The following COL4A6 variants were observed in gnomAD, a reference collection of about 807,000 sequenced individuals.
The protein encoded by COL4A6 is collagen type IV alpha 6 chain, also known as collagen alpha-6(IV) chain.
In COL4A6, 59 loss-of-function variants were observed where a neutral mutation model predicts 126.7. The observed-to-expected ratio is 0.47, with a 90% CI of 0.38 to 0.58. COL4A6 has a LOEUF of 0.58. Among genes scored for constraint, COL4A6 ranks in the 20% least tolerant of loss-of-function variants. The pLI is 0.00. For missense variants in COL4A6, 1,285 were observed against 1,337.3 expected, an observed-to-expected ratio of 0.96 and a Z score of 0.61; for synonymous variants, 547 against 496.6, an observed-to-expected ratio of 1.10 and a Z score of -1.35.
chrX:108,165,006 G>T lies in COL4A6; in HGVS notation c.3841C>A (p.Pro1281Thr). 8.3e-7 allele frequency: 1 copy of T among 1,208,886 alleles called. No individual in the cohort carries two copies. Among genetic ancestry groups the T allele is most frequent in the Non-Finnish European group, 1.1e-6 (1 of 894,666 alleles). ...RPGPAGPPGP[P>T]GPSSNQGDTG... ...TCGCCTTGATTCGAGGATGGCCCAGGGGGACCTGGGGGTCCAGCGGGGCCT... is the reference window on the plus strand; with the variant it reads ...TCGCCTTGATTCGAGGATGGCCCAGTGGGACCTGGGGGTCCAGCGGGGCCT... The change falls in exon 39 of 45, where the codon CCT becomes ACT. Residue 1281 changes from proline to threonine, a missense_variant. Coordinates refer to ENST00000334504, the MANE Select transcript of COL4A6 (RefSeq NM_033641.4).
chrX:108,415,700 C>A (rs182402428), intron 2 of COL4A6, among the ~76,000 whole-genome samples: 7 of 112,332 alleles, frequency 6.2e-5, no homozygotes, highest in African/African-American at 2.3e-4. Context: ...GAATGATCAA[C>A]CTTTCAATTT....
At chrX:108,168,554 C>T (rs918034201) in intron 37 of COL4A6, among the ~76,000 whole-genome samples, 1 of 112,218 alleles carries the variant, frequency 8.9e-6, no homozygotes, top group African/African-American at 3.2e-5. Context: ...CCCCAGGTAA[C>T]ATGCAATAAT....
intron 3 of COL4A6, among the ~76,000 whole-genome samples, chrX:108,298,589 T>C (rs1459718460): frequency 9.0e-6 from 1 of 110,996 alleles, no homozygotes. Flanking sequence ...CAAGGATCTT[T>C]CGGGGATGCT....
Position 108,373,110 on chromosome X carries a change from A to C in COL4A6, c.64-62282T>G, listed in dbSNP as rs944484184. 2.7e-5 allele frequency among the ~76,000 whole-genome samples: 3 copies of C among 111,441 alleles called. No individual in the cohort carries two copies. The Admixed American group carries it at 2.9e-4, about 11-fold the overall frequency. ...CTTATGCTGGTTCTGGGCCTTAATAAATGGGCCTTCAGCCAGGCACGGTGG... is the reference window on the plus strand; with the variant it reads ...CTTATGCTGGTTCTGGGCCTTAATACATGGGCCTTCAGCCAGGCACGGTGG... On this transcript the variant is annotated intron_variant, in intron 2 of 44. Transcript: ENST00000334504.
chrX:108,175,858 C>T, intron 28 of COL4A6, 61 bp from the exon 29 acceptor site: 2 of 1,022,451 alleles, frequency 2.0e-6, no homozygotes, highest in Admixed American at 3.2e-5. Context: ...AATGGAGGCT[C>T]AGGGAGGTTG....
At chrX:108,233,122 A>G (rs904341683) in intron 3 of COL4A6, among the ~76,000 whole-genome samples, 1 of 112,368 alleles carries the variant, frequency 8.9e-6, no homozygotes, top group Non-Finnish European at 1.9e-5. Context: ...TGGTTTAATT[A>G]CAATCTGGAG....
chrX:108,433,663 A>G lies in COL4A6; in HGVS notation c.63+4279T>C, dbSNP rs779348410. On this transcript the variant is annotated intron_variant, in intron 2 of 44. Coordinates refer to ENST00000334504, the MANE Select transcript of COL4A6 (RefSeq NM_033641.4). The stretch of plus-strand genomic sequence containing the variant: ...CCTCAGCCTCCCAGTAGATAGGACT[A>G]TAGGCGTGCACCACCATGCCCAGCT... 3.6e-5 allele frequency among the ~76,000 whole-genome samples: 4 copies of G among 110,766 alleles called. No individual in the cohort carries two copies. The South Asian group carries it at 1.6e-3, about 43-fold the overall frequency.
At chrX:108,257,714 C>T (rs141371153) in intron 3 of COL4A6, among the ~76,000 whole-genome samples, 4 of 110,807 alleles carry the variant, frequency 3.6e-5, no homozygotes, top group East Asian at 5.7e-4. Flanking sequence ...CACCTTCCCC[C>T]GGAAGATCTC....
At chrX:108,211,854 T>C in intron 6 of COL4A6, 114 bp from the exon 7 acceptor site, 2 of 731,393 alleles carry the variant, frequency 2.7e-6, no homozygotes, top group Admixed American at 5.4e-5. Flanking sequence ...ATGTGGCTTT[T>C]TCTATGGCAA....
In COL4A6 at chrX:108,187,855, C is replaced by T; in HGVS notation, c.1760G>A (p.Gly587Asp). 3.3e-6 allele frequency: 4 copies of T among 1,204,038 alleles called. No homozygotes were observed. The highest frequency in any genetic ancestry group is 4.5e-6 in the Non-Finnish European group (4 of 890,597). The change falls in exon 22 of 45, where the codon GGC (glycine) becomes GAC (aspartate). Residue 587 changes from glycine (G) to aspartate (D), a missense_variant. Coordinates refer to ENST00000334504, the MANE Select transcript of COL4A6 (RefSeq NM_033641.4). ...TAGGAACGATCAACTTACCGGAAGG[C>T]CTGGCAGACCTGGTAAACCTGGTAC... The part of the protein sequence containing the change: ...DGVPGLPGLP[G>D]LPGDGGQGFP...
chrX:108,434,918 A>G (rs1266277180), intron 2 of COL4A6, among the ~76,000 whole-genome samples: 12 of 110,742 alleles, frequency 1.1e-4, no homozygotes, highest in Non-Finnish European at 2.1e-4. Context: ...GCCCCAGATA[A>G]TGCAAATATT....
intron 2 of COL4A6, among the ~76,000 whole-genome samples, chrX:108,419,661 C>T (rs2041495655): frequency 8.9e-6 from 1 of 111,860 alleles, no homozygotes; most frequent in Admixed American, 9.5e-5. Flanking sequence ...TTAATACTAC[C>T]TTGTTACATA....
At chrX:108,432,187 A>T (rs753471099) in intron 2 of COL4A6, among the ~76,000 whole-genome samples, 3 of 111,818 alleles carry the variant, frequency 2.7e-5, no homozygotes, top group Non-Finnish European at 3.8e-5. Context: ...GTCTTTATAC[A>T]TTTTCCTTTT....
rs1233805554 is a variant in COL4A6, at chrX:108,180,557, C to G, written c.2089G>C (p.Glu697Gln). The change falls in exon 25 of 45, where the codon GAG (glutamate) becomes CAG (glutamine). Residue 697 changes from glutamate to glutamine, a missense_variant. Glu to Gln is a conservative substitution (Grantham distance 29). Transcript: ENST00000334504. ...GQPGSSGSKG[E>Q]PGSPGLVHLP... ...TGAACCAATCCTGGACTCCCTGGCT[C>G]TCCTTTACTTCCACTTGACCCAGGC... 8.3e-7 allele frequency: 1 copy of G among 1,208,909 alleles called. No individual in the cohort carries two copies. The highest frequency in any genetic ancestry group is 2.3e-4 in the Middle Eastern group (1 of 4,335).
intron 2 of COL4A6, among the ~76,000 whole-genome samples, chrX:108,348,653 G>A (rs1195714921): frequency 1.8e-5 from 2 of 111,251 alleles, no homozygotes; most frequent in East Asian, 2.8e-4. Flanking sequence ...TTGAGACAAG[G>A]GATTAGCATT....
intron 3 of COL4A6, among the ~76,000 whole-genome samples, chrX:108,301,924 T>C (rs1387359765): frequency 8.9e-6 from 1 of 111,856 alleles, no homozygotes; most frequent in Non-Finnish European, 1.9e-5. Flanking sequence ...CTAAAGTTGG[T>C]TGCATGACTA....
At chrX:108,365,969 T>C (rs1483359992) in intron 2 of COL4A6, among the ~76,000 whole-genome samples, 1 of 111,010 alleles carries the variant, frequency 9.0e-6, no homozygotes, top group Non-Finnish European at 1.9e-5. Flanking sequence ...ACCACAGAAA[T>C]GGAGCAGAGG....
chrX:108,322,011 G>C (rs1423402891), intron 2 of COL4A6, among the ~76,000 whole-genome samples: 2 of 111,400 alleles, frequency 1.8e-5, no homozygotes, highest in Non-Finnish European at 3.8e-5. Flanking sequence ...CCCAGGTTTG[G>C]CTCAAAATCT....
At chrX:108,420,114 C>G (rs747918024) in intron 2 of COL4A6, among the ~76,000 whole-genome samples, 2 of 111,683 alleles carry the variant, frequency 1.8e-5, no homozygotes, top group Non-Finnish European at 1.9e-5. Context: ...GGGCTGCTCA[C>G]TGAACATTTT....
Sources: allele counts gnomAD v4.1 joint callset (sites outside exome capture counted in the v4.1 genomes callset), GRCh38; gene constraint gnomAD v4.1.1; transcripts MANE v1.5; gene names NCBI Gene and HGNC (gene_info 2026-07-23, HGNC 2026-07-21).